Variants in DUS2 observed in about 807,000 individuals in gnomAD.
The protein encoded by DUS2 is dihydrouridine synthase 2, also known as tRNA-dihydrouridine(20) synthase [NAD(P)+]-like.
A neutral mutation model predicts 71.3 loss-of-function variants in DUS2; 52 were observed. The observed-to-expected ratio is 0.73, with a 90% CI of 0.58 to 0.92. The LOEUF is 0.92. DUS2 is among the 40% of genes least tolerant of loss of function. The probability of loss-of-function intolerance (pLI) is 0.00; values close to 1 mark genes in which losing one functional copy is unlikely to be tolerated. For synonymous variants in DUS2, 204 were observed against 227.8 expected (o/e 0.90, Z 0.94); for missense variants, 558 against 622.6 (o/e 0.90, Z 1.10).
chr16:68,041,882 A>G (rs570765180), intron 3 of DUS2, among the ~76,000 whole-genome samples: 1 of 151,708 alleles, frequency 6.6e-6, no homozygotes, highest in Non-Finnish European at 1.5e-5. Context: ...CAAAAAACAT[A>G]CAAGATTTAC....
chr16:68,027,473 C>A (rs1414573994), intron 2 of DUS2, among the ~76,000 whole-genome samples: 1 of 152,138 alleles, frequency 6.6e-6, no homozygotes, highest in African/African-American at 2.4e-5. Flanking sequence ...AAACTCCCGA[C>A]TTTAGGTAAT....
chr16:68,045,916 C>G (rs921684023), intron 3 of DUS2, among the ~76,000 whole-genome samples: 2 of 152,056 alleles, frequency 1.3e-5, no homozygotes, highest in African/African-American at 4.8e-5. Flanking sequence ...CGGGGTTTCA[C>G]CATGTTAATC....
At chr16:68,062,112 G>A (rs2033948214) in intron 8 of DUS2, among the ~76,000 whole-genome samples, 1 of 152,112 alleles carries the variant, frequency 6.6e-6, no homozygotes, top group Non-Finnish European at 1.5e-5. Flanking sequence ...CAGGTTTCAA[G>A]CAATTCTTCT....
At chr16:68,037,020 T>C (rs1384174044) in intron 2 of DUS2, among the ~76,000 whole-genome samples, 1 of 152,122 alleles carries the variant, frequency 6.6e-6, no homozygotes, top group African/African-American at 2.4e-5. Flanking sequence ...TTTTCCAACA[T>C]ACTATATAGT....
chr16:68,058,753 GCATA>G (rs2033896572), intron 7 of DUS2, among the ~76,000 whole-genome samples: 1 of 152,176 alleles, frequency 6.6e-6, no homozygotes, highest in East Asian at 1.9e-4. Flanking sequence ...ATCTGGTTAT[GCATA>G]GGTAGTAAAT....
intron 3 of DUS2, among the ~76,000 whole-genome samples, chr16:68,042,731 C>A (rs972544039): frequency 1.3e-5 from 2 of 151,670 alleles, no homozygotes; most frequent in African/African-American, 4.8e-5. Context: ...TATTTTGAGA[C>A]AGAGTCTCGC....
intron 4 of DUS2, 42 bp from the exon 5 acceptor site, chr16:68,053,522 C>G (rs1359413654): frequency 1.3e-6 from 2 of 1,597,198 alleles, no homozygotes; most frequent in Non-Finnish European, 1.7e-6. Flanking sequence ...GTTGAACTTG[C>G]ATCTTCATTG....
chr16:68,047,783 GTTTT>G (rs36087080), intron 3 of DUS2, among the ~76,000 whole-genome samples: 2 of 137,626 alleles, frequency 1.5e-5, no homozygotes, highest in Non-Finnish European at 3.2e-5. Flanking sequence ...GTGCTGGCGT[GTTTT>G]TTTTTTTTTT....
intron 10 of DUS2, among the ~76,000 whole-genome samples, chr16:68,068,418 CTTG>C (rs1388541949): frequency 6.6e-6 from 1 of 152,146 alleles, no homozygotes; most frequent in African/African-American, 2.4e-5. Context: ...GGCTCTGCTG[CTTG>C]TTAGCTGTAT....
intron 4 of DUS2, among the ~76,000 whole-genome samples, chr16:68,050,252 C>T (rs767332463): frequency 2.6e-5 from 4 of 152,098 alleles, no homozygotes; most frequent in Non-Finnish European, 4.4e-5. Context: ...GTTCTCCTGC[C>T]TCAGCCTCCC....
intron 2 of DUS2, among the ~76,000 whole-genome samples, chr16:68,026,256 G>T (rs1469465749): frequency 6.6e-6 from 1 of 152,118 alleles, no homozygotes; most frequent in Non-Finnish European, 1.5e-5. Context: ...CTCCCGAAGT[G>T]CTGGGATTAC....
chr16:68,024,527 G>A lies in DUS2; in HGVS notation c.-98-888G>A, dbSNP rs145389210. On this transcript the variant is annotated intron_variant, in intron 1 of 16. Transcript: ENST00000565263. ...GAGGTTCGTAACATCTGGAGAAAAC[G>A]TTTTAGTTTCATCAAATACCAATGA... 3.0e-3 allele frequency among the ~76,000 whole-genome samples: 452 copies of A among 152,176 alleles called. 4 individuals are homozygous for A. The highest frequency in any genetic ancestry group is 0.01 in the African/African-American group (424 of 41,512).
At chr16:68,066,423 G>C in intron 9 of DUS2, 41 bp downstream of exon 9, 1 of 1,606,124 alleles carries the variant, frequency 6.2e-7, no homozygotes, top group Non-Finnish European at 8.5e-7. Context: ...ATTCTCTCTG[G>C]TGATGTTGGA....
At position 68,038,119 on chromosome 16, in the gene DUS2, G is replaced by A; in HGVS notation, c.96G>A (p.Leu32=). Residue 32 remains leucine, a synonymous_variant, in exon 3 of 17, where the codon CTG becomes CTA. Coordinates refer to ENST00000565263, the MANE Select transcript of DUS2 (RefSeq NM_017803.5). ...CTCTTCCAATGAGGCTGCTGGCCCT[G>A]GATTATGGAGCGGACATTGTTTACT... ...VGTLPMRLLA[L]DYGADIVYCE... is the part of the protein sequence containing the mutation. 6.2e-7 allele frequency: 1 copy of A among 1,613,824 alleles called. No individual in the cohort carries two copies. The highest frequency in any genetic ancestry group is 8.5e-7 in the Non-Finnish European group (1 of 1,179,918).
intron 2 of DUS2, among the ~76,000 whole-genome samples, chr16:68,031,755 T>G (rs2033442243): frequency 6.6e-6 from 1 of 152,154 alleles, no homozygotes; most frequent in Admixed American, 6.6e-5. Context: ...AGGGCAGTGG[T>G]GCGATCTTGG....
intron 10 of DUS2, among the ~76,000 whole-genome samples, chr16:68,067,940 T>C (rs2034032961): frequency 6.6e-6 from 1 of 152,118 alleles, no homozygotes. Context: ...GATTACAGGC[T>C]TGAGCCACCA....
chr16:68,071,055 C>G lies in DUS2; in HGVS notation c.757C>G (p.Leu253Val). 1 of 1,614,218 alleles carries G rather than the reference C, an allele frequency of 6.2e-7. No homozygotes were observed. Among genetic ancestry groups the G allele is most frequent in the Non-Finnish European group, 8.5e-7 (1 of 1,180,046 alleles). The change falls in exon 12 of 17, where the codon CTC (leucine) becomes GTC (valine). Residue 253 changes from leucine (L) to valine (V), a missense_variant. Transcript: ENST00000565263. ...AGCCATGTGGAACCCATCTATCTTC[C>G]TCAAGGAGGGTCTGCGGCCCCTGGA... ...RAAMWNPSIF[L>V]KEGLRPLEEV...
rs762682039 is a variant in DUS2, at chr16:68,066,604, G to T, written c.522G>T (p.Arg174Ser). ...TGAGCCTTGTGAAGCGGATAGAGAG[G>T]ACTGGCATTGCTGCCATCGCAGTTC... ...DTLSLVKRIE[R>S]TGIAAIAVHG... The change falls in exon 10 of 17, where the codon AGG becomes AGT. Residue 174 changes from arginine to serine, a missense_variant. By Grantham distance (110) the Arg-to-Ser change is moderately radical. Coordinates refer to ENST00000565263, the MANE Select transcript of DUS2 (RefSeq NM_017803.5). 1 of 1,614,068 alleles carries T rather than the reference G, an allele frequency of 6.2e-7. No homozygotes were observed. Among genetic ancestry groups the T allele is most frequent in the Non-Finnish European group, 8.5e-7 (1 of 1,180,018 alleles).
At position 68,023,314 on chromosome 16, in the gene DUS2, G is replaced by A; in HGVS notation, c.-136G>A. On this transcript the variant is annotated 5_prime_UTR_variant, in exon 1 of 17. Transcript: ENST00000565263. ...GGTGTGTGGAGCTGGAGCACCGTGA[G>A]GAAGAAGCGAGGTTCTTTTTAAGAG... 2 of 1,282,072 alleles carry A rather than the reference G, an allele frequency of 1.6e-6. No homozygotes were observed. Among genetic ancestry groups the A allele is most frequent in the Non-Finnish European group, 2.1e-6 (2 of 943,926 alleles). The allele number at this position is 1,282,072 out of a possible 1,614,324, so 79.4% of individuals were successfully genotyped here. A position where few individuals can be genotyped will look rare whatever the true frequency, so the allele number is the denominator to read the frequency against.
Sources: gnomAD v4.1 joint callset for allele counts (sites outside exome capture counted in the v4.1 genomes callset) on GRCh38, gnomAD v4.1.1 for gene constraint, MANE v1.5 for transcripts, NCBI Gene and HGNC (gene_info 2026-07-23, HGNC 2026-07-21) for gene names.